DPP10: variants seen among roughly 807,000 people sequenced by gnomAD.
DPP10 encodes dipeptidyl peptidase like 10.
Under a neutral mutation model 120.9 loss-of-function variants are expected in DPP10, and 33 were observed. The ratio of observed to expected loss-of-function variants is 0.27; its 90% CI spans 0.21 to 0.37. The LOEUF (loss-of-function observed/expected upper bound fraction) is 0.37. Ranked by LOEUF, DPP10 falls within the 10% of genes least tolerant of loss-of-function variation. DPP10 has a pLI of 1.00. For synonymous variants in DPP10, 337 were observed against 326.1 expected, an observed-to-expected ratio of 1.03 and a Z score of -0.36; for missense variants, 816 against 942.8, an observed-to-expected ratio of 0.87 and a Z score of 1.76.
chr2:115,192,840 C>A (rs2054979084), intron 1 of DPP10, among the ~76,000 whole-genome samples: 1 of 151,568 alleles, frequency 6.6e-6, no homozygotes, highest in Admixed American at 6.6e-5. Context: ...TTAAGAAAAA[C>A]CCATTGTGCT....
At chr2:114,520,789 C>G (rs1336893591) in intron 1 of DPP10, among the ~76,000 whole-genome samples, 1 of 152,142 alleles carries the variant, frequency 6.6e-6, no homozygotes, top group Non-Finnish European at 1.5e-5. Context: ...AATCATGAAA[C>G]AGAGGATGTG....
chr2:115,501,285 C>G (rs983105), intron 4 of DPP10, among the ~76,000 whole-genome samples: 32,246 of 151,842 alleles, frequency 0.21, 3,938 homozygotes, highest in East Asian at 0.39. Context: ...TTATTCATTA[C>G]TTTTTTATCT....
intron 5 of DPP10, among the ~76,000 whole-genome samples, chr2:115,640,624 G>A (rs2086707003): frequency 6.6e-6 from 1 of 152,174 alleles, no homozygotes; most frequent in Non-Finnish European, 1.5e-5. Flanking sequence ...AGATAAGTGT[G>A]AGTGAGAAAG....
Position 115,834,412 on chromosome 2 carries a change from C to A in DPP10, c.1951-1745C>A, listed in dbSNP as rs1689238409. On this transcript the variant is annotated intron_variant, in intron 21 of 25. Transcript: ENST00000410059. ...GCCTGAATGTTAATATTTTTTAATA[C>A]CTCCCAAGATGTTCTGATTTCCAGT... Among the ~76,000 whole-genome samples the A allele has an allele frequency of 2.0e-5, 3 of 152,168 alleles. No individual in the cohort carries two copies. In the South Asian group the frequency reaches 6.2e-4, roughly 32 times the overall value.
chr2:115,444,407 G>A (rs901630055), intron 3 of DPP10, among the ~76,000 whole-genome samples: 1 of 152,190 alleles, frequency 6.6e-6, no homozygotes, highest in African/African-American at 2.4e-5. Flanking sequence ...TTAAGAAAGT[G>A]AAGGGCATAA....
chr2:115,428,823 T>C (rs1237495657), intron 3 of DPP10, among the ~76,000 whole-genome samples: 1 of 152,194 alleles, frequency 6.6e-6, no homozygotes, highest in East Asian at 1.9e-4. Flanking sequence ...CAAAGGAGAC[T>C]GGGTTATTTA....
chr2:114,590,071 G>A lies in DPP10; in HGVS notation c.60+147233G>A, dbSNP rs114539841. 5.1e-3 allele frequency among the ~76,000 whole-genome samples: 775 copies of A among 151,686 alleles called. 7 individuals carry two copies. The highest frequency in any genetic ancestry group is 0.017 in the African/African-American group (715 of 41,348). ...AAATGTTTATCAACCAGTTTTCTAAGAAAAAAATGTATGTGCATATATATG... is the reference window on the plus strand; with the variant it reads ...AAATGTTTATCAACCAGTTTTCTAAAAAAAAAATGTATGTGCATATATATG... On this transcript the variant is annotated intron_variant, in intron 1 of 25. Transcript: ENST00000410059.
chr2:115,166,055 T>G (rs1248778882), intron 1 of DPP10, among the ~76,000 whole-genome samples: 3 of 152,360 alleles, frequency 2.0e-5, no homozygotes, highest in South Asian at 2.1e-4. Context: ...AATATCGATG[T>G]GCTTTAGACA....
At chr2:115,127,405 G>T (rs1427553897) in intron 1 of DPP10, among the ~76,000 whole-genome samples, 1 of 152,186 alleles carries the variant, frequency 6.6e-6, no homozygotes, top group Non-Finnish European at 1.5e-5. Flanking sequence ...ATGGTGCTTA[G>T]ACTCACAGAG....
At chr2:114,750,909 A>C (rs1004264727) in intron 1 of DPP10, among the ~76,000 whole-genome samples, 1 of 152,222 alleles carries the variant, frequency 6.6e-6, no homozygotes, top group Admixed American at 6.5e-5. Context: ...GAAATTATCT[A>C]AACATTCTGA....
At chr2:115,804,832 T>A (rs926853375) in intron 19 of DPP10, among the ~76,000 whole-genome samples, 3 of 152,212 alleles carry the variant, frequency 2.0e-5, no homozygotes, top group African/African-American at 7.2e-5. Context: ...GAGGTGTCAG[T>A]CTGCCCCTTC....
At chr2:115,682,606 A>C (rs1216870127) in intron 5 of DPP10, among the ~76,000 whole-genome samples, 2 of 151,854 alleles carry the variant, frequency 1.3e-5, no homozygotes, top group Admixed American at 6.6e-5. Flanking sequence ...TTGGGGTAAT[A>C]AAGTATAATC....
chr2:115,716,681 G>GT (rs1446499116), intron 7 of DPP10, among the ~76,000 whole-genome samples: 3 of 151,836 alleles, frequency 2.0e-5, no homozygotes, highest in East Asian at 3.9e-4. Flanking sequence ...GAAGAATATA[G>GT]TAAAAAAAAA....
At chr2:115,669,576 G>T (rs1173403912) in intron 5 of DPP10, among the ~76,000 whole-genome samples, 4 of 151,860 alleles carry the variant, frequency 2.6e-5, no homozygotes, top group African/African-American at 9.7e-5. Flanking sequence ...TATTTTTCTT[G>T]GTTTCTTTTT....
intron 12 of DPP10, among the ~76,000 whole-genome samples, 199 bp downstream of exon 12, chr2:115,762,809 A>G (rs1680275888): frequency 6.6e-6 from 1 of 152,130 alleles, no homozygotes. Flanking sequence ...CCATTTTTTT[A>G]GGAGACATAA....
intron 1 of DPP10, among the ~76,000 whole-genome samples, chr2:114,994,688 C>A (rs748762751): frequency 3.3e-5 from 5 of 152,268 alleles, no homozygotes; most frequent in Middle Eastern, 3.4e-3. Context: ...TCATTATATT[C>A]TTTTCAGGTA....
intron 3 of DPP10, among the ~76,000 whole-genome samples, chr2:115,479,410 A>G (rs1450202550): frequency 6.6e-6 from 1 of 152,134 alleles, no homozygotes. Context: ...AAGTGCAGTA[A>G]GGAATGAAGA....
At chr2:115,837,011 ACTGGCCACTTGTGG>A (rs1247412422) in intron 24 of DPP10, among the ~76,000 whole-genome samples, 1 of 152,238 alleles carries the variant, frequency 6.6e-6, no homozygotes, top group Non-Finnish European at 1.5e-5. Flanking sequence ...AAAAGTAGCC[ACTGGCCACTTGTGG>A]CCATACCTTG....
intron 3 of DPP10, 126 bp downstream of exon 3, chr2:115,344,038 A>G (rs981460753): frequency 8.6e-6 from 5 of 579,004 alleles, no homozygotes; most frequent in Admixed American, 8.8e-5. Context: ...TGGGAGGCCA[A>G]GGCAGGAGAA....
Sources: allele counts gnomAD v4.1 joint callset (sites outside exome capture counted in the v4.1 genomes callset), GRCh38; gene constraint gnomAD v4.1.1; transcripts MANE v1.5; gene names NCBI Gene and HGNC (gene_info 2026-07-23, HGNC 2026-07-21).